The following BMP2K variants were observed in gnomAD, a reference collection of about 807,000 sequenced individuals.
BMP2K encodes the protein BMP2 inducible kinase.
In BMP2K, 74 loss-of-function variants were observed where a neutral mutation model predicts 116.0. The ratio of observed to expected loss-of-function variants is 0.64; its 90% CI spans 0.53 to 0.77. The LOEUF (loss-of-function observed/expected upper bound fraction) is 0.77, where lower values mean the gene tolerates loss of function less well. Among genes scored for constraint, BMP2K ranks in the 30% least tolerant of loss-of-function variants. The pLI is 0.00. For synonymous variants in BMP2K, 486 were observed against 502.5 expected (o/e 0.97, Z 0.44); for missense variants, 1,365 against 1,403.6 (o/e 0.97, Z 0.44).
In BMP2K at chr4:78,872,796, T is replaced by A. The variant is rs771503766; in HGVS notation, c.1791T>A (p.Asn597Lys). 3.1e-6 allele frequency: 5 copies of A among 1,611,512 alleles called. No homozygotes were observed. The highest frequency in any genetic ancestry group is 3.4e-5 in the Admixed American group (2 of 59,464). ...GTIMDSSYSA[N>K]RSVADKEAIA... is the part of the protein sequence containing the mutation. ...TAATGGACTCCTCCTATAGTGCCAA[T>A]AGGCAAGTATTTTTCCAGTGAAAGC... The change falls in exon 13 of 16, where the codon AAT (asparagine) becomes AAA (lysine). Residue 597 changes from asparagine (N) to lysine (K), a missense_variant and splice_region_variant. Coordinates refer to ENST00000502613, the MANE Select transcript of BMP2K (RefSeq NM_198892.2).
chr4:78,886,461 T>A (rs2110073842), intron 14 of BMP2K, among the ~76,000 whole-genome samples: 1 of 152,324 alleles, frequency 6.6e-6, no homozygotes, highest in African/African-American at 2.4e-5. Context: ...CTATTGCCTA[T>A]TATTTGTTTT....
chr4:78,898,768 G>A (rs1733845423), intron 15 of BMP2K: 1 of 151,886 alleles, frequency 6.6e-6, no homozygotes, highest in Non-Finnish European at 1.5e-5. Context: ...CTTGGACAAT[G>A]TGAATTGGGA....
chr4:78,834,566 A>C lies in BMP2K; in HGVS notation c.403+879A>C, dbSNP rs558022452. 2.6e-5 allele frequency among the ~76,000 whole-genome samples: 4 copies of C among 152,182 alleles called. No individual in the cohort carries two copies. In the South Asian group the frequency reaches 8.3e-4, roughly 32 times the overall value. ...ATGAGCTACCGCGTCTGTCCTTAAAAATTTTAATGTGTGGAAAGGTGGAGG... is the reference window on the plus strand; with the variant it reads ...ATGAGCTACCGCGTCTGTCCTTAAACATTTTAATGTGTGGAAAGGTGGAGG... On this transcript the variant is annotated intron_variant, in intron 3 of 15. Transcript: ENST00000502613.
chr4:78,794,097 A>ATT (rs1728138703), intron 1 of BMP2K, among the ~76,000 whole-genome samples: 4 of 152,186 alleles, frequency 2.6e-5, no homozygotes, highest in Admixed American at 2.6e-4. Flanking sequence ...GTGACCAAAG[A>ATT]AAAGTGAGAA....
intron 13 of BMP2K, among the ~76,000 whole-genome samples, chr4:78,874,888 T>C (rs559520472): frequency 1.2e-4 from 18 of 151,660 alleles, no homozygotes; most frequent in South Asian, 4.1e-4. Context: ...TAGACACTTT[T>C]CTTTTAATTT....
chr4:78,853,539 C>T (rs3822107), intron 7 of BMP2K, among the ~76,000 whole-genome samples: 8,824 of 152,138 alleles, frequency 0.058, 360 homozygotes, highest in East Asian at 0.22. Context: ...ACATAACTAA[C>T]GGGATTACTG....
intron 1 of BMP2K, among the ~76,000 whole-genome samples, chr4:78,778,781 A>G (rs3775525): frequency 0.065 from 9,825 of 152,300 alleles, 434 homozygotes; most frequent in East Asian, 0.22. Flanking sequence ...TGATTAATCA[A>G]TAATTGATGG....
intron 1 of BMP2K, among the ~76,000 whole-genome samples, chr4:78,822,128 A>G (rs561022668): frequency 6.6e-6 from 1 of 152,314 alleles, no homozygotes; most frequent in Admixed American, 6.5e-5. Context: ...GTGTATAACA[A>G]TTGAGAGATA....
At position 78,911,551 on chromosome 4, in the gene BMP2K, A is replaced by G. The variant is rs577699126; in HGVS notation, c.3004A>G (p.Thr1002Ala). ...TGGGAAGCGGCATCATGGCACGCCA[A>G]CTAGCACAAAGAAGACTTTGAAGCC... is the stretch of plus-strand genomic sequence containing the variant. ...SNGKRHHGTP[T>A]STKKTLKPTY... is the part of the protein sequence containing the mutation. The change falls in exon 16 of 16, where the codon ACT becomes GCT. Residue 1002 changes from threonine to alanine, a missense_variant. By Grantham distance (58) the Thr-to-Ala change is moderately conservative. This residue lies in a region of BMP2K where 596 missense variants were observed against 623.2 expected (regional missense o/e 0.96). Coordinates refer to ENST00000502613, the MANE Select transcript of BMP2K (RefSeq NM_198892.2). 10 of 1,614,072 alleles carry G rather than the reference A, an allele frequency of 6.2e-6. No homozygotes were observed. The highest frequency in any genetic ancestry group is 2.2e-5 in the East Asian group (1 of 44,874).
In BMP2K at chr4:78,793,557, G is replaced by A. The variant is rs138704929; in HGVS notation, c.178+16836G>A. Among the ~76,000 whole-genome samples, 688 of 152,184 alleles carry A rather than the reference G, an allele frequency of 4.5e-3. 2 individuals carry two copies. Among genetic ancestry groups the A allele is most frequent in the African/African-American group, 0.016 (651 of 41,542 alleles). On this transcript the variant is annotated intron_variant, in intron 1 of 15. Transcript: ENST00000502613. ...TAAGCAGAAGCACTCGGTGGTTGTTGATAGTTTTTAGGAATGTAAAGGGAT... is the reference window on the plus strand; with the variant it reads ...TAAGCAGAAGCACTCGGTGGTTGTTAATAGTTTTTAGGAATGTAAAGGGAT...
chr4:78,813,901 T>C (rs542917223), intron 1 of BMP2K, among the ~76,000 whole-genome samples: 2 of 152,356 alleles, frequency 1.3e-5, no homozygotes, highest in South Asian at 4.1e-4. Flanking sequence ...GGCAGTTCTC[T>C]GATTTGCTTG....
At chr4:78,896,294 T>C (rs1733699870) in intron 15 of BMP2K, among the ~76,000 whole-genome samples, 1 of 152,194 alleles carries the variant, frequency 6.6e-6, no homozygotes. Context: ...GATAAAATAC[T>C]CAAAGCATGT....
chr4:78,815,217 T>A (rs1729282089), intron 1 of BMP2K, among the ~76,000 whole-genome samples: 1 of 152,342 alleles, frequency 6.6e-6, no homozygotes, highest in African/African-American at 2.4e-5. Flanking sequence ...GCTCTGCTAT[T>A]GATAGTCATG....
chr4:78,897,097 T>TAA lies in BMP2K; in HGVS notation c.2062+9814_2062+9815dup, dbSNP rs889621234. On this transcript the variant is annotated intron_variant, in intron 15 of 15. Transcript: ENST00000502613. Reference sequence around the variant, plus strand: ...TTTAGTATGATTTTATATATATATATAATGCTTAAAATATGGAGTAAAATT... The same window carrying TAA: ...TTTAGTATGATTTTATATATATATATAAAATGCTTAAAATATGGAGTAAAATT... 1.1e-4 allele frequency among the ~76,000 whole-genome samples: 17 copies of TAA among 152,146 alleles called. No individual in the cohort carries two copies. In the South Asian group the frequency reaches 1.5e-3, roughly 13 times the overall value.
At chr4:78,820,336 T>C (rs931313795) in intron 1 of BMP2K, among the ~76,000 whole-genome samples, 2 of 152,188 alleles carry the variant, frequency 1.3e-5, no homozygotes, top group African/African-American at 4.8e-5. Flanking sequence ...TGGTAACTTT[T>C]AGGGTTTTCT....
At chr4:78,780,443 A>T (rs79246790) in intron 1 of BMP2K, among the ~76,000 whole-genome samples, 2 of 152,184 alleles carry the variant, frequency 1.3e-5, no homozygotes, top group African/African-American at 2.4e-5. Context: ...AAATGCTTAG[A>T]TAAGCTAAGT....
intron 10 of BMP2K, among the ~76,000 whole-genome samples, chr4:78,866,479 A>G (rs1250552074): frequency 2.0e-5 from 3 of 152,072 alleles, no homozygotes; most frequent in African/African-American, 7.2e-5. Context: ...TTTTTTAGTA[A>G]TATAGCTTCT....
At chr4:78,860,983 CT>C (rs1731750434) in intron 8 of BMP2K, among the ~76,000 whole-genome samples, 1 of 151,794 alleles carries the variant, frequency 6.6e-6, no homozygotes, top group African/African-American at 2.4e-5. Flanking sequence ...GCCTTACATT[CT>C]GTGTCTTGAA....
intron 2 of BMP2K, among the ~76,000 whole-genome samples, chr4:78,828,799 A>T (rs1318148455): frequency 6.6e-6 from 1 of 152,226 alleles, no homozygotes; most frequent in Non-Finnish European, 1.5e-5. Context: ...ACAACTGATG[A>T]TCACCAGAGC....
Sources: allele counts gnomAD v4.1 joint callset (sites outside exome capture counted in the v4.1 genomes callset), GRCh38; gene constraint gnomAD v4.1.1; regional missense constraint gnomAD v4.1.1; transcripts MANE v1.5; gene names NCBI Gene and HGNC (gene_info 2026-07-23, HGNC 2026-07-21).